The following ADAM17 variants were observed in gnomAD, a reference collection of about 807,000 sequenced individuals.
ADAM17 encodes the protein ADAM metallopeptidase domain 17.
A neutral mutation model predicts 96.7 loss-of-function variants in ADAM17; 39 were observed. The ratio of observed to expected loss-of-function variants is 0.40; its 90% CI spans 0.31 to 0.53. The LOEUF is 0.53. Among genes scored for constraint, ADAM17 ranks in the 20% least tolerant of loss-of-function variants. The pLI, the probability that ADAM17 is intolerant of heterozygous loss-of-function variation, is 0.44. For missense variants in ADAM17, 777 were observed against 1,013.2 expected (o/e 0.77, Z 3.17); for synonymous variants, 344 against 359.2 (o/e 0.96, Z 0.48).
At chr2:9,502,122 C>T in intron 13 of ADAM17, 51 bp downstream of exon 13, 1 of 1,394,172 alleles carries the variant, frequency 7.2e-7, no homozygotes, top group Non-Finnish European at 1.0e-6. Context: ...TTTTCAAAGA[C>T]ACACACACAC....
intron 8 of ADAM17, among the ~76,000 whole-genome samples, chr2:9,520,964 C>CAAAAA (rs55909096): frequency 0.012 from 312 of 26,284 alleles, 34 homozygotes; most frequent in Non-Finnish European, 0.021. Flanking sequence ...AACTCTGTCT[C>CAAAAA]AAAAAAAAAA....
At position 9,555,678 on chromosome 2, in the gene ADAM17, A is replaced by C. The variant is rs894185798; in HGVS notation, c.-73T>G. 1 of 1,284,882 alleles carries C rather than the reference A, an allele frequency of 7.8e-7. No individual in the cohort carries two copies. The highest frequency in any genetic ancestry group is 1.1e-6 in the Non-Finnish European group (1 of 943,000). 79.6% of individuals were successfully genotyped at this position (1,284,882 alleles called of 1,614,324 possible). A position where few individuals can be genotyped will look rare whatever the true frequency, so the allele number is the denominator to read the frequency against. ...GACGGGGTTTCGGAAAACTGCTCAC[A>C]TCGGGGGAGGACGGGATCCGCCCGG... On this transcript the variant is annotated 5_prime_UTR_variant, in exon 1 of 19. It removes an upstream start codon present in the reference 5' UTR. Transcript: ENST00000310823.
chr2:9,542,507 T>C (rs1472436576), intron 2 of ADAM17, among the ~76,000 whole-genome samples: 4 of 152,208 alleles, frequency 2.6e-5, no homozygotes, highest in African/African-American at 9.6e-5. Flanking sequence ...AAAATCTTTA[T>C]CTCTTCATAT....
chr2:9,496,764 C>G (rs1309123933), intron 14 of ADAM17, among the ~76,000 whole-genome samples: 1 of 152,184 alleles, frequency 6.6e-6, no homozygotes, highest in African/African-American at 2.4e-5. Flanking sequence ...TAGATAGCTA[C>G]TGCTGCTTTT....
intron 4 of ADAM17, among the ~76,000 whole-genome samples, chr2:9,533,953 C>T (rs557976134): frequency 6.6e-6 from 1 of 152,336 alleles, no homozygotes; most frequent in East Asian, 1.9e-4. Flanking sequence ...GAGCTTCCTA[C>T]AGTTTCTTCA....
chr2:9,552,244 G>T (rs1004163674), intron 1 of ADAM17, among the ~76,000 whole-genome samples: 4 of 152,080 alleles, frequency 2.6e-5, no homozygotes, highest in African/African-American at 9.7e-5. Context: ...ACCACAATTG[G>T]CCTTGGAGGA....
intron 1 of ADAM17, among the ~76,000 whole-genome samples, chr2:9,554,011 T>C (rs1200112238): frequency 1.3e-5 from 2 of 151,978 alleles, no homozygotes; most frequent in Non-Finnish European, 2.9e-5. Context: ...TGCAGTGAGC[T>C]GAGATCGCGC....
At chr2:9,502,101 CATAATCT>C in intron 13 of ADAM17, 65 bp downstream of exon 13, 1 of 1,352,392 alleles carries the variant, frequency 7.4e-7, no homozygotes, top group African/African-American at 1.4e-5. Flanking sequence ...CTGAACAAAA[CATAATCT>C]TGTTTTTCAA....
Position 9,526,192 on chromosome 2 carries a change from C to G in ADAM17, c.672G>C (p.Thr224=). The G allele has an allele frequency of 3.1e-6, 5 of 1,613,754 alleles. No homozygotes were observed. Among genetic ancestry groups the G allele is most frequent in the Non-Finnish European group, 4.2e-6 (5 of 1,179,766 alleles). The part of the protein sequence containing the change: ...RRADPDPMKN[T]CKLLVVADHR... ...GATCTGCTACCACCAATAATTTACA[C>G]GTGTTCTTCATGGGATCTGGGTCAG... The change falls in exon 6 of 19, where the codon ACG becomes ACC. Residue 224 remains threonine, a synonymous_variant. Transcript: ENST00000310823.
chr2:9,502,339 G>T, intron 12 of ADAM17, 63 bp from the exon 13 acceptor site: 2 of 1,408,904 alleles, frequency 1.4e-6, no homozygotes, highest in Non-Finnish European at 9.9e-7. Context: ...CAAATCAAAC[G>T]CTACAGTTAC....
At chr2:9,490,652 G>T in intron 18 of ADAM17, 134 bp from the exon 19 acceptor site, 1 of 944,028 alleles carries the variant, frequency 1.1e-6, no homozygotes, top group Non-Finnish European at 1.5e-6. Context: ...GCTAGGTGAG[G>T]CTCACTCAAC....
intron 8 of ADAM17, among the ~76,000 whole-genome samples, chr2:9,519,098 T>G (rs1007567909): frequency 2.0e-5 from 3 of 152,076 alleles, no homozygotes; most frequent in African/African-American, 7.2e-5. Flanking sequence ...TACAACATGT[T>G]GCCCAAGCTA....
chr2:9,550,439 C>CTTTTTTTTTTTTTTTTTTTTTTTTT (rs35602755), intron 1 of ADAM17, among the ~76,000 whole-genome samples: 1 of 74,164 alleles, frequency 1.3e-5, no homozygotes, highest in Non-Finnish European at 2.5e-5. Context: ...GATACTCATT[C>CTTTTTTTTTTTTTTTTTTTTTTTTT]TTTTTTTTTT....
In ADAM17 at chr2:9,502,107, C is replaced by A. The variant is rs1663038566; in HGVS notation, c.1648+66G>T. ...GTCTCTCATCTGAACAAAACATAAT[C>A]TTGTTTTTCAAAGACACACACACAC... On this transcript the variant is annotated intron_variant, in intron 13 of 18. Coordinates refer to ENST00000310823, the MANE Select transcript of ADAM17 (RefSeq NM_003183.6). 3 of 1,380,758 alleles carry A rather than the reference C, an allele frequency of 2.2e-6. No individual in the cohort carries two copies. The South Asian group carries it at 3.6e-5, about 17-fold the overall frequency. 85.5% of individuals were successfully genotyped at this position (1,380,758 alleles called of 1,614,324 possible).
intron 17 of ADAM17, 29 bp downstream of exon 17, chr2:9,492,869 A>G: frequency 6.4e-7 from 1 of 1,560,724 alleles, no homozygotes; most frequent in East Asian, 2.3e-5. Context: ...TAAATAAAAC[A>G]TTTAATTACT....
At chr2:9,499,506 A>G (rs1005525821) in intron 13 of ADAM17, among the ~76,000 whole-genome samples, 1 of 151,908 alleles carries the variant, frequency 6.6e-6, no homozygotes, top group African/African-American at 2.4e-5. Flanking sequence ...GGTTCACGCC[A>G]TTCTCCTGCC....
chr2:9,493,476 G>A (rs1488755826), intron 16 of ADAM17, among the ~76,000 whole-genome samples: 1 of 152,152 alleles, frequency 6.6e-6, no homozygotes, highest in Non-Finnish European at 1.5e-5. Flanking sequence ...CTATGCTTAT[G>A]CTAATCACAT....
chr2:9,554,344 C>T (rs2125048795), intron 1 of ADAM17, among the ~76,000 whole-genome samples: 1 of 152,302 alleles, frequency 6.6e-6, no homozygotes. Context: ...CTCAAAATGT[C>T]CTTCAATTTG....
At chr2:9,517,506 A>G (rs917518660) in intron 10 of ADAM17, among the ~76,000 whole-genome samples, 3 of 152,226 alleles carry the variant, frequency 2.0e-5, no homozygotes, top group Non-Finnish European at 4.4e-5. Flanking sequence ...AAGCTCCTGC[A>G]AGATACACTA....
Sources: gnomAD v4.1 joint callset for allele counts (sites outside exome capture counted in the v4.1 genomes callset) on GRCh38, gnomAD v4.1.1 for gene constraint, MANE v1.5 for transcripts, NCBI Gene and HGNC (gene_info 2026-07-23, HGNC 2026-07-21) for gene names.